The following CSRNP3 variants were observed in gnomAD, a reference collection of about 807,000 sequenced individuals.
CSRNP3 encodes cysteine and serine rich nuclear protein 3, also known as cysteine/serine-rich nuclear protein 3.
Under a neutral mutation model 48.0 loss-of-function variants are expected in CSRNP3, and 12 were observed. That is an observed-to-expected ratio of 0.25 (90% CI 0.16 to 0.41). CSRNP3 has a LOEUF of 0.41. Ranked by LOEUF, CSRNP3 falls within the 10% of genes least tolerant of loss-of-function variation. The pLI, the probability that CSRNP3 is intolerant of heterozygous loss-of-function variation, is 1.00. For missense variants in CSRNP3, 580 were observed against 724.4 expected, an observed-to-expected ratio of 0.80 and a Z score of 2.29; for synonymous variants, 263 against 269.7, an observed-to-expected ratio of 0.98 and a Z score of 0.24.
At chr2:165,481,192 G>T (rs955639437) in intron 1 of CSRNP3, among the ~76,000 whole-genome samples, 9 of 152,182 alleles carry the variant, frequency 5.9e-5, no homozygotes, top group Middle Eastern at 3.4e-3. Flanking sequence ...GAATGAGAAG[G>T]TTATATGCTC....
At position 165,685,348 on chromosome 2, in the gene CSRNP3, T is replaced by G. The variant is rs572563428; in HGVS notation, c.*5595T>G. 4 of 152,142 alleles carry G rather than the reference T, an allele frequency of 2.6e-5. No homozygotes were observed. The East Asian group carries it at 7.8e-4, about 30-fold the overall frequency. 9.4% of individuals were successfully genotyped at this position (152,142 alleles called of 1,614,324 possible). A position where few individuals can be genotyped will look rare whatever the true frequency, so the allele number is the denominator to read the frequency against. On this transcript the variant is annotated 3_prime_UTR_variant, in exon 7 of 7. Coordinates refer to ENST00000651982, the MANE Select transcript of CSRNP3 (RefSeq NM_001172173.2). ...TTTCCAGAAATTCAAGCTGAAACAT[T>G]TGATATGACCTGTGTTTTACCTGGT...
intron 5 of CSRNP3, among the ~76,000 whole-genome samples, 178 bp from the exon 6 acceptor site, chr2:165,676,134 T>G (rs949029973): frequency 6.6e-6 from 1 of 152,184 alleles, no homozygotes; most frequent in Admixed American, 6.5e-5. Context: ...GCCTAACATT[T>G]TGATGCCTTT....
chr2:165,637,629 T>A (rs1170267909), intron 4 of CSRNP3, among the ~76,000 whole-genome samples: 3 of 152,210 alleles, frequency 2.0e-5, no homozygotes, highest in Non-Finnish European at 4.4e-5. Context: ...GTTTTGAAAA[T>A]GTAAAACATA....
At chr2:165,541,032 C>T (rs766092535) in intron 3 of CSRNP3, among the ~76,000 whole-genome samples, 1 of 151,816 alleles carries the variant, frequency 6.6e-6, no homozygotes, top group Non-Finnish European at 1.5e-5. Flanking sequence ...CTTGTATTGC[C>T]CCAACTGCTT....
chr2:165,641,970 T>A (rs1686727993), intron 4 of CSRNP3, among the ~76,000 whole-genome samples: 1 of 152,170 alleles, frequency 6.6e-6, no homozygotes, highest in Non-Finnish European at 1.5e-5. Context: ...AGTCTGAGGT[T>A]ACGTTTGGCT....
intron 4 of CSRNP3, among the ~76,000 whole-genome samples, chr2:165,642,900 G>T (rs545681659): frequency 6.6e-6 from 1 of 152,244 alleles, no homozygotes; most frequent in African/African-American, 2.4e-5. Context: ...AATTTGCTCT[G>T]TGCTGTATTC....
rs1687237965 is a variant in CSRNP3 at position 165,667,028 on chromosome 2, G to GAGAA, written c.408+9010_408+9011insAAAG. Among the ~76,000 whole-genome samples, 6 of 35,460 alleles carry GAGAA rather than the reference G, an allele frequency of 1.7e-4. No homozygotes were observed. The Admixed American group carries it at 1.8e-3, about 11-fold the overall frequency. The allele number at this position is 35,460 out of a possible 152,430, so 23.3% of individuals were successfully genotyped here. The stretch of plus-strand genomic sequence containing the variant: ...GAGGAAGGAAGGAAGGAAAGAGAGA[G>GAGAA]AGGAAGAAAGAAAGAGAGAGAGAAA... On this transcript the variant is annotated intron_variant, in intron 5 of 6. Coordinates refer to ENST00000651982, the MANE Select transcript of CSRNP3 (RefSeq NM_001172173.2).
intron 3 of CSRNP3, among the ~76,000 whole-genome samples, chr2:165,591,473 G>A (rs545347409): frequency 6.6e-6 from 1 of 152,258 alleles, no homozygotes; most frequent in African/African-American, 2.4e-5. Flanking sequence ...AAGACAATGG[G>A]GAGAATGTCT....
chr2:165,553,382 T>C (rs920643590), intron 3 of CSRNP3, among the ~76,000 whole-genome samples: 1 of 152,232 alleles, frequency 6.6e-6, no homozygotes, highest in African/African-American at 2.4e-5. Flanking sequence ...TCTTGCTTTA[T>C]AGTATATGCC....
chr2:165,558,620 A>G (rs1685192356), intron 3 of CSRNP3, among the ~76,000 whole-genome samples: 1 of 152,178 alleles, frequency 6.6e-6, no homozygotes, highest in Non-Finnish European at 1.5e-5. Flanking sequence ...ACACATTTAC[A>G]TGAATATACA....
rs71028497 is a variant in CSRNP3 at position 165,653,972 on chromosome 2, C to CAAAAAAAAAAAAAA, written c.149-3766_149-3753dup. Among the ~76,000 whole-genome samples the CAAAAAAAAAAAAAA allele has an allele frequency of 2.4e-4, 10 of 41,226 alleles. 3 individuals are homozygous for CAAAAAAAAAAAAAA. The highest frequency in any genetic ancestry group is 7.9e-4 in the African/African-American group (8 of 10,118). 27.0% of individuals were successfully genotyped at this position (41,226 alleles called of 152,430 possible). A position where few individuals can be genotyped will look rare whatever the true frequency, so the allele number is the denominator to read the frequency against. On this transcript the variant is annotated intron_variant, in intron 4 of 6. Transcript: ENST00000651982. ...GGGCAACAAGAGCGAAGCTCTATCA[C>CAAAAAAAAAAAAAA]AAAAAAAAAAAAAAAAAAAAAAAAA...
chr2:165,625,108 T>C (rs1467289570), intron 4 of CSRNP3, among the ~76,000 whole-genome samples: 1 of 152,188 alleles, frequency 6.6e-6, no homozygotes, highest in African/African-American at 2.4e-5. Flanking sequence ...GGTTGTGTCC[T>C]AGGCAGGTTA....
At chr2:165,614,079 A>T (rs1686188472) in intron 4 of CSRNP3, among the ~76,000 whole-genome samples, 1 of 151,974 alleles carries the variant, frequency 6.6e-6, no homozygotes, top group Non-Finnish European at 1.5e-5. Flanking sequence ...CTTTCATCAG[A>T]CATTTCTTCA....
At chr2:165,600,680 G>A (rs961183869) in intron 4 of CSRNP3, among the ~76,000 whole-genome samples, 9 of 152,140 alleles carry the variant, frequency 5.9e-5, no homozygotes, top group Admixed American at 5.9e-4. Flanking sequence ...TTCTCTGATG[G>A]CCAGTGATGG....
chr2:165,657,446 G>A (rs1237269207), intron 4 of CSRNP3, among the ~76,000 whole-genome samples: 1 of 152,104 alleles, frequency 6.6e-6, no homozygotes, highest in Non-Finnish European at 1.5e-5. Context: ...CTAAAGATAA[G>A]GGGGGACTAC....
At chr2:165,609,947 T>C (rs1686108199) in intron 4 of CSRNP3, among the ~76,000 whole-genome samples, 1 of 152,222 alleles carries the variant, frequency 6.6e-6, no homozygotes, top group South Asian at 2.1e-4. Context: ...GTATTTATTC[T>C]TTCTATTCTT....
At chr2:165,541,224 T>TG (rs1458125658) in intron 3 of CSRNP3, among the ~76,000 whole-genome samples, 1 of 148,080 alleles carries the variant, frequency 6.8e-6, no homozygotes, top group Non-Finnish European at 1.5e-5. Flanking sequence ...CCAAATGCAT[T>TG]TTTTTTTTTT....
chr2:165,625,495 G>A (rs1290876016), intron 4 of CSRNP3, among the ~76,000 whole-genome samples: 3 of 151,370 alleles, frequency 2.0e-5, no homozygotes, highest in South Asian at 4.2e-4. Context: ...TTAGCTGAGC[G>A]TGGCGGCAGG....
At chr2:165,546,043 G>A (rs1685020776) in intron 3 of CSRNP3, among the ~76,000 whole-genome samples, 1 of 152,000 alleles carries the variant, frequency 6.6e-6, no homozygotes, top group African/African-American at 2.4e-5. Context: ...TTATAGATGA[G>A]GAAACCAAGG....
Sources: allele counts gnomAD v4.1 joint callset (sites outside exome capture counted in the v4.1 genomes callset), GRCh38; gene constraint gnomAD v4.1.1; transcripts MANE v1.5; gene names NCBI Gene and HGNC (gene_info 2026-07-23, HGNC 2026-07-21).